Variants in SSH2 observed in about 807,000 individuals in gnomAD.
The protein encoded by SSH2 is slingshot protein phosphatase 2.
SSH2 carries 37 observed loss-of-function variants against 135.2 expected under a neutral mutation model. The observed-to-expected ratio is 0.27, with a 90% CI of 0.21 to 0.36. The LOEUF (loss-of-function observed/expected upper bound fraction) is 0.36, where lower values mean the gene tolerates loss of function less well. Among genes scored for constraint, SSH2 ranks in the 10% least tolerant of loss-of-function variants. The pLI is 1.00. For synonymous variants in SSH2, 628 were observed against 646.2 expected (o/e 0.97, Z 0.43); for missense variants, 1,408 against 1,765.3 (o/e 0.80, Z 3.63).
intron 14 of SSH2, among the ~76,000 whole-genome samples, chr17:29,643,789 C>T (rs979938365): frequency 2.6e-5 from 4 of 152,102 alleles, no homozygotes; most frequent in East Asian, 1.9e-4. Flanking sequence ...TCACCGTGCC[C>T]GGCTGTGAAT....
At chr17:29,847,435 A>G (rs1029837883) in intron 2 of SSH2, among the ~76,000 whole-genome samples, 7 of 152,198 alleles carry the variant, frequency 4.6e-5, no homozygotes, top group African/African-American at 1.7e-4. Context: ...TTTCATTAAT[A>G]CAACTGGGAC....
At chr17:29,918,600 T>C (rs941644451) in intron 1 of SSH2, among the ~76,000 whole-genome samples, 1 of 152,236 alleles carries the variant, frequency 6.6e-6, no homozygotes, top group African/African-American at 2.4e-5. Flanking sequence ...TCCCAGCATA[T>C]ATCATGCTAT....
intron 1 of SSH2, among the ~76,000 whole-genome samples, chr17:29,879,374 T>G (rs1334282999): frequency 1.9e-4 from 8 of 42,324 alleles, no homozygotes; most frequent in Admixed American, 3.3e-4. Context: ...CTTTCTGCTG[T>G]TTTTTTTTTT....
intron 1 of SSH2, among the ~76,000 whole-genome samples, chr17:29,928,928 G>A (rs1373504553): frequency 6.6e-6 from 1 of 152,126 alleles, no homozygotes; most frequent in African/African-American, 2.4e-5. Context: ...AGTTCAAGGT[G>A]GTTTTCCCAG....
In SSH2 at chr17:29,631,765, A is replaced by C. The variant is rs760425392; in HGVS notation, c.3429T>G (p.Pro1143=). 1 of 1,614,174 alleles carries C rather than the reference A, an allele frequency of 6.2e-7. No individual in the cohort carries two copies. Among genetic ancestry groups the C allele is most frequent in the Non-Finnish European group, 8.5e-7 (1 of 1,180,022 alleles). The change falls in exon 16 of 16, where the codon CCT becomes CCG. Residue 1143 remains proline (P), a synonymous_variant. Coordinates refer to ENST00000540801, the MANE Select transcript of SSH2 (RefSeq NM_001282129.2). ...SLSTALETAA[P]FVSHTTHLLS... The stretch of plus-strand genomic sequence containing the variant: ...GTAAATGGGTTGTATGACTGACAAA[A>C]GGTGCTGCTGTCTCCAGGGCTGTGG...
chr17:29,794,369 T>C (rs2042122320), intron 2 of SSH2, among the ~76,000 whole-genome samples: 1 of 152,230 alleles, frequency 6.6e-6, no homozygotes, highest in South Asian at 2.1e-4. Context: ...AGAGTGCTCA[T>C]GATCAAATCA....
At chr17:29,761,193 A>C (rs1196558090) in intron 3 of SSH2, 3 of 1,289,626 alleles carry the variant, frequency 2.3e-6, no homozygotes, top group Middle Eastern at 2.1e-4. Flanking sequence ...TTGGCGGAGA[A>C]GTAAGGAATC....
intron 2 of SSH2, among the ~76,000 whole-genome samples, chr17:29,845,735 T>C (rs2043121220): frequency 6.6e-6 from 1 of 151,952 alleles, no homozygotes; most frequent in African/African-American, 2.4e-5. Context: ...AATTGTTTTA[T>C]TTTCTGTAGA....
chr17:29,888,801 C>T (rs946283152), intron 1 of SSH2, among the ~76,000 whole-genome samples: 3 of 145,456 alleles, frequency 2.1e-5, no homozygotes, highest in East Asian at 2.0e-4. Context: ...AAAAGCCAGG[C>T]GTGGTGGCAC....
chr17:29,889,700 A>G (rs2066311024), intron 1 of SSH2, among the ~76,000 whole-genome samples: 1 of 151,792 alleles, frequency 6.6e-6, no homozygotes, highest in Admixed American at 6.6e-5. Context: ...TGTATCTGGA[A>G]TACATAAAGA....
At chr17:29,894,376 A>G (rs1236304815) in intron 1 of SSH2, among the ~76,000 whole-genome samples, 1 of 151,804 alleles carries the variant, frequency 6.6e-6, no homozygotes, top group Non-Finnish European at 1.5e-5. Flanking sequence ...TCCACAGAGG[A>G]TTGATTCCAG....
intron 3 of SSH2, among the ~76,000 whole-genome samples, chr17:29,709,856 A>G (rs759097071): frequency 3.3e-5 from 5 of 152,202 alleles, no homozygotes; most frequent in African/African-American, 9.6e-5. Context: ...GCAAGTTGTA[A>G]TATCTGTTGG....
chr17:29,737,116 AAAAAAAAAAG>A, intron 3 of SSH2, among the ~76,000 whole-genome samples: 1 of 147,390 alleles, frequency 6.8e-6, no homozygotes, highest in African/African-American at 2.6e-5. Flanking sequence ...AAAAAAAAAA[AAAAAAAAAAG>A]GCTAATTTTT....
At chr17:29,806,745 TCTC>T (rs1412248273) in intron 2 of SSH2, among the ~76,000 whole-genome samples, 1 of 152,204 alleles carries the variant, frequency 6.6e-6, no homozygotes, top group Non-Finnish European at 1.5e-5. Flanking sequence ...ATTTTGAATA[TCTC>T]CTCCTCTACT....
chr17:29,684,508 C>T, intron 6 of SSH2, 55 bp downstream of exon 6: 1 of 1,125,974 alleles, frequency 8.9e-7, no homozygotes, highest in African/African-American at 1.7e-5. Context: ...AAAAAAGCAA[C>T]TGGAACAGGT....
At position 29,632,622 on chromosome 17, in the gene SSH2, T is replaced by G; in HGVS notation, c.2572A>C (p.Thr858Pro). 6.2e-7 allele frequency: 1 copy of G among 1,614,152 alleles called. No individual in the cohort carries two copies. Among genetic ancestry groups the G allele is most frequent in the Non-Finnish European group, 8.5e-7 (1 of 1,180,032 alleles). Reference protein sequence around the residue: ...GMCNPEGCLTTHSSIADLEEG... With the variant: ...GMCNPEGCLTPHSSIADLEEG... ...TCCAAGTCTGCTATAGATGAGTGTG[T>G]GGTTAGGCAGCCTTCTGGGTTGCAC... The change falls in exon 16 of 16, where the codon ACA becomes CCA. Residue 858 changes from threonine to proline, a missense_variant. Thr to Pro is a conservative substitution (Grantham distance 38). This residue lies in a region of SSH2 where 1,080 missense variants were observed against 1,144.5 expected (regional missense o/e 0.94). Transcript: ENST00000540801.
chr17:29,765,309 G>A (rs1258561985), intron 3 of SSH2, among the ~76,000 whole-genome samples: 3 of 152,176 alleles, frequency 2.0e-5, no homozygotes, highest in Admixed American at 6.5e-5. Context: ...GGTTTGGATC[G>A]TACTGCAACC....
chr17:29,735,916 G>C (rs559583522), intron 3 of SSH2, among the ~76,000 whole-genome samples: 4 of 151,842 alleles, frequency 2.6e-5, no homozygotes, highest in Non-Finnish European at 1.5e-5. Context: ...GGACAACGTG[G>C]AGAAACCCCA....
intron 6 of SSH2, 58 bp downstream of exon 6, chr17:29,684,505 C>T (rs1598796110): frequency 2.6e-6 from 3 of 1,169,574 alleles, no homozygotes; most frequent in African/African-American, 1.8e-5. Flanking sequence ...AAAAAAAAAG[C>T]AACTGGAACA....
Sources: gnomAD v4.1 joint callset for allele counts (sites outside exome capture counted in the v4.1 genomes callset) on GRCh38, gnomAD v4.1.1 for gene constraint, gnomAD v4.1.1 regional missense constraint, MANE v1.5 for transcripts, NCBI Gene and HGNC (gene_info 2026-07-23, HGNC 2026-07-21) for gene names.